Variants in MAP3K1 observed in about 807,000 individuals in gnomAD.
The protein encoded by MAP3K1 is mitogen-activated protein kinase kinase kinase 1.
In MAP3K1, 36 loss-of-function variants were observed where a neutral mutation model predicts 144.2. That is an observed-to-expected ratio of 0.25 (90% confidence interval 0.19 to 0.33). MAP3K1 has a LOEUF of 0.33. MAP3K1 is among the 10% of genes least tolerant of loss of function. MAP3K1 has a pLI of 1.00. For synonymous variants in MAP3K1, 718 were observed against 688.7 expected (o/e 1.04, Z -0.67); for missense variants, 1,650 against 1,881.9 (o/e 0.88, Z 2.28).
intron 1 of MAP3K1, among the ~76,000 whole-genome samples, chr5:56,819,438 C>CA (rs11289212): frequency 1.5e-4 from 23 of 150,864 alleles, no homozygotes; most frequent in East Asian, 3.9e-4. Flanking sequence ...TCAACAAGAG[C>CA]AAAAAAAAAA....
chr5:56,816,317 G>A (rs1745966553), intron 1 of MAP3K1, among the ~76,000 whole-genome samples: 1 of 152,020 alleles, frequency 6.6e-6, no homozygotes, highest in South Asian at 2.1e-4. Flanking sequence ...GCCTCTCTGC[G>A]GGGAACCGTT....
In MAP3K1 at chr5:56,815,758, T is replaced by G. The variant is rs1423534461; in HGVS notation, c.185T>G (p.Leu62Arg). Residue 62 changes from leucine to arginine, a missense_variant, in exon 1 of 20, where the codon CTG (leucine) becomes CGG (arginine). Leu to Arg is a moderately radical substitution (Grantham distance 102). Coordinates refer to ENST00000399503, the MANE Select transcript of MAP3K1 (RefSeq NM_005921.2). ...RERADWRRRQLRKVRSVELDQ... is the reference protein window; with the variant it reads ...RERADWRRRQRRKVRSVELDQ... ...CGGGCGGACTGGCGGCGGCGGCAGC[T>G]GCGCAAAGTGCGGAGTGTGGAGCTG... 6.2e-5 allele frequency: 86 copies of G among 1,377,566 alleles called. No homozygotes were observed. The highest frequency in any genetic ancestry group is 7.8e-5 in the Admixed American group (3 of 38,230). The allele number at this position is 1,377,566 out of a possible 1,614,324, so 85.3% of individuals were successfully genotyped here. A position where few individuals can be genotyped will look rare whatever the true frequency, so the allele number is the denominator to read the frequency against.
chr5:56,895,037 G>T lies in MAP3K1; in HGVS notation c.*1357G>T. On this transcript the variant is annotated 3_prime_UTR_variant, in exon 20 of 20. Coordinates refer to ENST00000399503, the MANE Select transcript of MAP3K1 (RefSeq NM_005921.2). ...CTGATTAACTATTAAGTACAACTTT[G>T]AGATTTTAGTTTTAACTCTTCAGAA... 4.3e-6 allele frequency: 1 copy of T among 231,582 alleles called. No homozygotes were observed. The highest frequency in any genetic ancestry group is 1.8e-4 in the South Asian group (1 of 5,520). The allele number at this position is 231,582 out of a possible 1,614,324, so 14.3% of individuals were successfully genotyped here.
chr5:56,879,553 T>C (rs778032293), intron 11 of MAP3K1, among the ~76,000 whole-genome samples: 2 of 131,422 alleles, frequency 1.5e-5, no homozygotes, highest in African/African-American at 2.7e-5. Flanking sequence ...ACTCTACTTA[T>C]GACAGTTTTG....
At position 56,844,197 on chromosome 5, in the gene MAP3K1, T is replaced by TG. The variant is rs1746911039; in HGVS notation, c.483-12403_483-12402insG. Among the ~76,000 whole-genome samples the TG allele has an allele frequency of 6.5e-5, 9 of 138,476 alleles. No homozygotes were observed. In the South Asian group the frequency reaches 2.2e-3, roughly 34 times the overall value. The allele number at this position is 138,476 out of a possible 152,430, so 90.8% of individuals were successfully genotyped here. ...TGTTTTTTTTGGTTTTTTTTTTTTT[T>TG]TTTTTTTTTTGAGACAGAGTCTCGC... On this transcript the variant is annotated intron_variant, in intron 1 of 19. Coordinates refer to ENST00000399503, the MANE Select transcript of MAP3K1 (RefSeq NM_005921.2).
Position 56,874,818 on chromosome 5 carries a change from T to TA in MAP3K1, c.1687-213dup, listed in dbSNP as rs1747971650. Among the ~76,000 whole-genome samples the TA allele has an allele frequency of 3.3e-5, 5 of 152,308 alleles. No homozygotes were observed. The South Asian group carries it at 1.0e-3, about 32-fold the overall frequency. ...TATTAATTTTACCTGAGCTAATAAA[T>TA]ATTAATGACTTTGGATAATTATCAG... On this transcript the variant is annotated intron_variant, in intron 9 of 19. Transcript: ENST00000399503.
intron 1 of MAP3K1, among the ~76,000 whole-genome samples, chr5:56,854,432 C>CAAAAAAAA (rs10647091): frequency 8.2e-5 from 7 of 85,214 alleles, no homozygotes; most frequent in Admixed American, 2.9e-4. Flanking sequence ...AACTCCATCT[C>CAAAAAAAA]AAAAAAAAAA....
intron 1 of MAP3K1, among the ~76,000 whole-genome samples, chr5:56,820,026 T>C (rs1746106310): frequency 6.6e-6 from 1 of 152,194 alleles, no homozygotes; most frequent in Admixed American, 6.5e-5. Flanking sequence ...CTTTTCAGTT[T>C]GCAAAAATAT....
At chr5:56,884,621 G>A in intron 15 of MAP3K1, 43 bp from the exon 16 acceptor site, 1 of 1,598,162 alleles carries the variant, frequency 6.3e-7, no homozygotes, top group East Asian at 2.2e-5. Context: ...CAGATTGCTA[G>A]TGAAAATATG....
chr5:56,888,006 G>T, intron 18 of MAP3K1: 1 of 577,516 alleles, frequency 1.7e-6, no homozygotes, highest in Non-Finnish European at 3.1e-6. Flanking sequence ...AAAATTCTGT[G>T]ATGGGACTCT....
intron 6 of MAP3K1, among the ~76,000 whole-genome samples, chr5:56,870,121 G>T (rs1037595092): frequency 2.6e-5 from 4 of 152,088 alleles, no homozygotes; most frequent in Non-Finnish European, 4.4e-5. Context: ...GGCAAAATTA[G>T]AATTAAAAAA....
At chr5:56,845,320 G>A (rs1268921605) in intron 1 of MAP3K1, among the ~76,000 whole-genome samples, 1 of 152,172 alleles carries the variant, frequency 6.6e-6, no homozygotes, top group Non-Finnish European at 1.5e-5. Flanking sequence ...AAACATAGGA[G>A]AAAACATACA....
intron 17 of MAP3K1, 81 bp downstream of exon 17, chr5:56,886,144 C>A: frequency 1.8e-6 from 2 of 1,137,782 alleles, no homozygotes; most frequent in Non-Finnish European, 2.6e-6. Context: ...TGGCTCACAC[C>A]TGTAATCCCA....
intron 1 of MAP3K1, among the ~76,000 whole-genome samples, chr5:56,825,665 A>T (rs147212565): frequency 6.6e-6 from 1 of 151,932 alleles, no homozygotes; most frequent in Admixed American, 6.5e-5. Flanking sequence ...CTGTGCTCTT[A>T]CTCTTCTGGC....
chr5:56,869,775 A>G (rs1305097514), intron 6 of MAP3K1, among the ~76,000 whole-genome samples: 1 of 152,108 alleles, frequency 6.6e-6, no homozygotes, highest in Admixed American at 6.5e-5. Context: ...ACCTTGGATT[A>G]TTTTTGCCAT....
At chr5:56,835,602 G>A (rs1420503029) in intron 1 of MAP3K1, among the ~76,000 whole-genome samples, 2 of 151,844 alleles carry the variant, frequency 1.3e-5, no homozygotes, top group African/African-American at 2.4e-5. Context: ...GGAGAGGTGC[G>A]GAATCTTAGG....
intron 1 of MAP3K1, among the ~76,000 whole-genome samples, chr5:56,822,552 C>T (rs1440455554): frequency 1.3e-5 from 2 of 152,196 alleles, no homozygotes; most frequent in South Asian, 4.1e-4. Context: ...AACCATGACA[C>T]TTCTTCCGTG....
At chr5:56,891,330 T>C (rs965107311) in intron 19 of MAP3K1, among the ~76,000 whole-genome samples, 1 of 152,170 alleles carries the variant, frequency 6.6e-6, no homozygotes, top group Non-Finnish European at 1.5e-5. Context: ...TATATTACTT[T>C]GCATTTTTTA....
chr5:56,830,077 T>C (rs832585), intron 1 of MAP3K1, among the ~76,000 whole-genome samples: 77,474 of 152,004 alleles, frequency 0.51, 21,807 homozygotes, highest in Non-Finnish European at 0.65. Context: ...GACTAAGTGT[T>C]GGTGATAAGA....
Sources: allele counts gnomAD v4.1 joint callset (sites outside exome capture counted in the v4.1 genomes callset), GRCh38; gene constraint gnomAD v4.1.1; transcripts MANE v1.5; gene names NCBI Gene and HGNC (gene_info 2026-07-23, HGNC 2026-07-21).